The following UGT1A8 variants were observed in gnomAD, a reference collection of about 807,000 sequenced individuals.
UGT1A8 encodes the protein UDP-glucuronosyltransferase 1A8.
A neutral mutation model predicts 45.3 loss-of-function variants in UGT1A8; 39 were observed. That is an observed-to-expected ratio of 0.86 (90% CI 0.67 to 1.12). UGT1A8 has a LOEUF of 1.12. Ranked by LOEUF, UGT1A8 falls within the 50% of genes most tolerant of loss-of-function variation. UGT1A8 has a pLI of 0.00. For missense variants in UGT1A8, 719 were observed against 664.9 expected (o/e 1.08, Z -0.90); for synonymous variants, 275 against 249.2 (o/e 1.10, Z -0.97).
At chr2:233,645,333 C>T (rs951930269) in intron 1 of UGT1A8, among the ~76,000 whole-genome samples, 2 of 152,264 alleles carry the variant, frequency 1.3e-5, no homozygotes, top group Middle Eastern at 3.4e-3. Context: ...CACAGCCAAA[C>T]CATATGATTC....
At chr2:233,718,762 A>T in intron 1 of UGT1A8, 1 of 1,612,640 alleles carries the variant, frequency 6.2e-7, no homozygotes, top group African/African-American at 1.3e-5. Context: ...AGGCGAAGGA[A>T]ACAAATGTAG....
intron 1 of UGT1A8, chr2:233,713,265 C>T: frequency 6.2e-7 from 1 of 1,614,232 alleles, no homozygotes; most frequent in Non-Finnish European, 8.5e-7. Flanking sequence ...ATTTGATCGC[C>T]TTTTGCTGGG....
intron 1 of UGT1A8, among the ~76,000 whole-genome samples, chr2:233,673,872 C>A (rs557659899): frequency 3.6e-4 from 55 of 152,230 alleles, no homozygotes; most frequent in South Asian, 2.3e-3. Flanking sequence ...CAAAGAATTC[C>A]CTTCTCTGAT....
intron 1 of UGT1A8, chr2:233,718,075 G>A (rs2076626489): frequency 1.7e-5 from 6 of 344,578 alleles, no homozygotes; most frequent in South Asian, 1.2e-4. Context: ...CCTTGCTAGG[G>A]TTGTCTTGCC....
intron 1 of UGT1A8, among the ~76,000 whole-genome samples, chr2:233,696,018 G>A (rs1380009671): frequency 1.3e-5 from 2 of 152,070 alleles, no homozygotes; most frequent in African/African-American, 2.4e-5. Flanking sequence ...CACAGACATG[G>A]GGCTCAGTCC....
intron 1 of UGT1A8, chr2:233,747,336 G>A (rs1693629813): frequency 6.2e-7 from 1 of 1,603,524 alleles, no homozygotes; most frequent in Admixed American, 1.7e-5. Flanking sequence ...GCAGCCACTG[G>A]CTCGCATGCG....
At chr2:233,718,738 T>A (rs1216581751) in intron 1 of UGT1A8, 13 of 1,611,734 alleles carry the variant, frequency 8.1e-6, no homozygotes, top group Admixed American at 1.7e-5. Context: ...GGTGGCTCAA[T>A]GACAAGGTAA....
At chr2:233,674,749 A>G (rs566007206) in intron 1 of UGT1A8, among the ~76,000 whole-genome samples, 6 of 152,348 alleles carry the variant, frequency 3.9e-5, no homozygotes, top group African/African-American at 1.2e-4. Context: ...TAATGTATGT[A>G]TTTATGACTA....
intron 1 of UGT1A8, among the ~76,000 whole-genome samples, chr2:233,735,018 T>G (rs1362396194): frequency 6.6e-6 from 1 of 152,220 alleles, no homozygotes; most frequent in Non-Finnish European, 1.5e-5. Flanking sequence ...GTTCTGTAGA[T>G]GTCTATTAGG....
At chr2:233,766,487 G>A (rs1575820615) in intron 1 of UGT1A8, among the ~76,000 whole-genome samples, 1 of 152,190 alleles carries the variant, frequency 6.6e-6, no homozygotes, top group Non-Finnish European at 1.5e-5. Context: ...TGATGGGGGC[G>A]TGGCAGGCCA....
intron 1 of UGT1A8, chr2:233,637,090 G>A (rs758915568): frequency 6.2e-6 from 10 of 1,613,902 alleles, no homozygotes; most frequent in Non-Finnish European, 5.1e-6. Context: ...TCTTTCCTAT[G>A]TCCCCAATGA....
In UGT1A8 at chr2:233,769,619, C is replaced by T; in HGVS notation, c.1295+1180C>T. The T allele has an allele frequency of 6.2e-7, 1 of 1,612,516 alleles. No individual in the cohort carries two copies. Among genetic ancestry groups the T allele is most frequent in the African/African-American group, 1.3e-5 (1 of 75,052 alleles). ...GAACACGGGGACACACCAGCTTGAG[C>T]AAGGGACAACAGGGGAGGACTGATG... On this transcript the variant is annotated intron_variant, in intron 4 of 4. Transcript: ENST00000373450. The surrounding 1 kb of genome is among the most constrained non-coding windows in gnomAD (Gnocchi z 4.4).
At chr2:233,649,184 G>T (rs1218690125) in intron 1 of UGT1A8, among the ~76,000 whole-genome samples, 1 of 152,194 alleles carries the variant, frequency 6.6e-6, no homozygotes, top group Non-Finnish European at 1.5e-5. Flanking sequence ...TTGTTGGTTA[G>T]CAACTTTTAT....
chr2:233,757,099 G>A (rs1433024919), intron 1 of UGT1A8, among the ~76,000 whole-genome samples: 3 of 151,280 alleles, frequency 2.0e-5, no homozygotes, highest in Non-Finnish European at 4.4e-5. Flanking sequence ...GCAGAGGGAG[G>A]GGGCAAGCAG....
At chr2:233,673,635 A>T (rs1306623826) in intron 1 of UGT1A8, among the ~76,000 whole-genome samples, 1 of 152,116 alleles carries the variant, frequency 6.6e-6, no homozygotes, top group Non-Finnish European at 1.5e-5. Flanking sequence ...CATAAATAAA[A>T]TTTTTCACTA....
chr2:233,747,901 C>G (rs1437655661), intron 1 of UGT1A8: 1 of 1,613,426 alleles, frequency 6.2e-7, no homozygotes, highest in Non-Finnish European at 8.5e-7. Flanking sequence ...CTTTCTGCTC[C>G]TTATGCAAGC....
chr2:233,672,310 A>G, intron 1 of UGT1A8: 1 of 1,614,062 alleles, frequency 6.2e-7, no homozygotes. Flanking sequence ...AAATTGCAGG[A>G]GTTTGTTTAA....
intron 1 of UGT1A8, among the ~76,000 whole-genome samples, chr2:233,698,550 C>A (rs1019972453): frequency 5.3e-5 from 8 of 152,128 alleles, no homozygotes; most frequent in Non-Finnish European, 1.0e-4. Flanking sequence ...GAGTGGCCAA[C>A]AAAACTTTAA....
intron 1 of UGT1A8, among the ~76,000 whole-genome samples, chr2:233,726,247 G>C (rs1198671452): frequency 6.6e-6 from 1 of 152,198 alleles, no homozygotes; most frequent in Non-Finnish European, 1.5e-5. Flanking sequence ...AATATGAAAA[G>C]CTGGGTGCAG....
Sources: gnomAD v4.1 joint callset for allele counts (sites outside exome capture counted in the v4.1 genomes callset) on GRCh38, gnomAD v4.1.1 for gene constraint, Gnocchi (gnomAD v3.1) non-coding constraint, MANE v1.5 for transcripts, NCBI Gene and HGNC (gene_info 2026-07-23, HGNC 2026-07-21) for gene names.